LZTFL1: variants seen among roughly 807,000 people sequenced by gnomAD.
LZTFL1 encodes the protein leucine zipper transcription factor like 1.
Under a neutral mutation model 45.9 loss-of-function variants are expected in LZTFL1, and 25 were observed. The observed-to-expected ratio is 0.54, with a 90% CI of 0.40 to 0.76. LZTFL1 has a LOEUF of 0.76. Ranked by LOEUF, LZTFL1 falls within the 30% of genes least tolerant of loss-of-function variation. The probability of loss-of-function intolerance (pLI) is 0.00; values close to 1 mark genes in which losing one functional copy is unlikely to be tolerated. For missense variants in LZTFL1, 277 were observed against 331.1 expected (o/e 0.84, Z 1.27); for synonymous variants, 93 against 117.4 (o/e 0.79, Z 1.35).
intron 7 of LZTFL1, among the ~76,000 whole-genome samples, chr3:45,829,609 A>G (rs891694768): frequency 3.5e-5 from 3 of 85,066 alleles, no homozygotes; most frequent in African/African-American, 1.2e-4. Flanking sequence ...GTCTCAAAAG[A>G]AAAAAAAAAA....
chr3:45,901,141 T>C lies in LZTFL1; in HGVS notation c.-215+11979A>G. 9 of 1,614,208 alleles carry C rather than the reference T, an allele frequency of 5.6e-6. No homozygotes were observed. In the South Asian group the frequency reaches 6.6e-5, roughly 12 times the overall value. ...GACCAGTGGAAGTTCCAGACCTTCA[T>C]GTGCAAGGTGGTCAACAGCATGTAC... On this transcript the variant is annotated intron_variant, in intron 2 of 4. Coordinates refer to the LZTFL1 transcript ENST00000472635. This position sits in a 1 kb window ranked among gnomAD's most constrained non-coding sequence, Gnocchi z 4.3.
Position 45,879,009 on chromosome 3 carries a change from C to T in LZTFL1, c.-214-19993G>A, listed in dbSNP as rs138992031. On this transcript the variant is annotated intron_variant, in intron 2 of 4. Transcript: ENST00000472635. Reference sequence around the variant, plus strand: ...AATAGCCCAGGCCCTAAACACATAGCACCAAATGCTGGTAATGATATGGAG... The same window carrying T: ...AATAGCCCAGGCCCTAAACACATAGTACCAAATGCTGGTAATGATATGGAG... Among the ~76,000 whole-genome samples, 5 of 152,326 alleles carry T rather than the reference C, an allele frequency of 3.3e-5. No individual in the cohort carries two copies. In the East Asian group the frequency reaches 9.6e-4, roughly 29 times the overall value.
At chr3:45,903,795 T>A (rs875890) in intron 2 of LZTFL1, among the ~76,000 whole-genome samples, 56,211 of 152,046 alleles carry the variant, frequency 0.37, 11,992 homozygotes, top group African/African-American at 0.58. Flanking sequence ...GGCCCAGCAC[T>A]GGCACTGCAT....
At chr3:45,898,083 C>T (rs529163749) in intron 2 of LZTFL1, among the ~76,000 whole-genome samples, 2 of 151,970 alleles carry the variant, frequency 1.3e-5, no homozygotes, top group South Asian at 2.1e-4. Flanking sequence ...GATTCACAGT[C>T]GGTACTTGCT....
At chr3:45,902,870 G>T (rs1410618678) in intron 2 of LZTFL1, 1 of 167,064 alleles carries the variant, frequency 6.0e-6, no homozygotes, top group African/African-American at 2.4e-5. Flanking sequence ...TAGGGCAAAG[G>T]GGTGAAGCGC....
rs111307639 is a variant in LZTFL1 at position 45,871,906 on chromosome 3, C to G, written c.-214-12890G>C. Among the ~76,000 whole-genome samples, 468 of 152,298 alleles carry G rather than the reference C, an allele frequency of 3.1e-3. 4 individuals are homozygous for G. The highest frequency in any genetic ancestry group is 0.01 in the African/African-American group (419 of 41,544). ...CAACTATTTCCTGTAGAAATCCTTTCTATAGTGGGAGCTTGGGATTTGGCT... is the reference window on the plus strand; with the variant it reads ...CAACTATTTCCTGTAGAAATCCTTTGTATAGTGGGAGCTTGGGATTTGGCT... On this transcript the variant is annotated intron_variant, in intron 2 of 4. Transcript: ENST00000472635.
Position 45,901,602 on chromosome 3 carries a change from T to A in LZTFL1, c.-215+11518A>T. On this transcript the variant is annotated intron_variant, in intron 2 of 4. Coordinates refer to the LZTFL1 transcript ENST00000472635. The surrounding 1 kb of genome is among the most constrained non-coding windows in gnomAD (Gnocchi z 4.3). ...TGTCTTGTCTCAGTTTCCCTACAAC[T>A]GCATTTTGTTGGTGCAGACCATTGA... 6.2e-7 allele frequency: 1 copy of A among 1,614,214 alleles called. No homozygotes were observed. Among genetic ancestry groups the A allele is most frequent in the Non-Finnish European group, 8.5e-7 (1 of 1,180,002 alleles).
intron 2 of LZTFL1, among the ~76,000 whole-genome samples, chr3:45,896,247 C>A (rs193266642): frequency 6.6e-6 from 1 of 152,192 alleles, no homozygotes; most frequent in Non-Finnish European, 1.5e-5. Flanking sequence ...CTGAGCTTGC[C>A]AGTCATTTGC....
intron 2 of LZTFL1, among the ~76,000 whole-genome samples, chr3:45,908,467 T>C (rs542064979): frequency 6.6e-6 from 1 of 152,208 alleles, no homozygotes; most frequent in East Asian, 1.9e-4. Flanking sequence ...CAGACCCAAG[T>C]CACACCATCA....
intron 2 of LZTFL1, among the ~76,000 whole-genome samples, chr3:45,863,049 A>G (rs1246679509): frequency 5.3e-5 from 8 of 152,240 alleles, no homozygotes; most frequent in Non-Finnish European, 7.3e-5. Flanking sequence ...GAATAATTCA[A>G]TAAAAACACA....
At chr3:45,829,055 G>A (rs1331654238) in intron 7 of LZTFL1, among the ~76,000 whole-genome samples, 1 of 152,132 alleles carries the variant, frequency 6.6e-6, no homozygotes, top group South Asian at 2.1e-4. Flanking sequence ...ATATGTTTTA[G>A]TCATTATTTA....
At chr3:45,894,702 T>G (rs552457935) in intron 2 of LZTFL1, among the ~76,000 whole-genome samples, 1 of 152,334 alleles carries the variant, frequency 6.6e-6, no homozygotes. Context: ...GAATGATAAC[T>G]TCAAAGGAGA....
chr3:45,915,282 C>A, intron 1 of LZTFL1: 1 of 288,984 alleles, frequency 3.5e-6, no homozygotes, highest in South Asian at 3.1e-5. Flanking sequence ...TAGGGAGGCC[C>A]TTTCTGTTAC....
chr3:45,881,392 TCTTC>T (rs1290155848), intron 2 of LZTFL1, among the ~76,000 whole-genome samples: 7 of 152,294 alleles, frequency 4.6e-5, no homozygotes, highest in Middle Eastern at 3.4e-3. Flanking sequence ...GGTTTTGTTC[TCTTC>T]CTCCTGCAAC....
At chr3:45,902,686 G>C (rs1306719237) in intron 2 of LZTFL1, 1 of 167,114 alleles carries the variant, frequency 6.0e-6, no homozygotes, top group Non-Finnish European at 1.5e-5. Flanking sequence ...ATAACAGCTG[G>C]GTTCGCAGGA....
At chr3:45,835,452 A>G (rs1700940745) in intron 3 of LZTFL1, 138 bp downstream of exon 3, 2 of 696,544 alleles carry the variant, frequency 2.9e-6, no homozygotes, top group South Asian at 3.5e-5. Context: ...TCACTCAGTG[A>G]CTCAATGCTT....
chr3:45,841,185 C>T (rs1052165173), intron 1 of LZTFL1, among the ~76,000 whole-genome samples: 2 of 152,208 alleles, frequency 1.3e-5, no homozygotes, highest in African/African-American at 4.8e-5. Context: ...CTTCTCAGCT[C>T]CCAGACAGCG....
At chr3:45,913,459 C>A (rs1255273705) in intron 1 of LZTFL1, among the ~76,000 whole-genome samples, 1 of 152,124 alleles carries the variant, frequency 6.6e-6, no homozygotes, top group East Asian at 1.9e-4. Context: ...GATATATGAA[C>A]TAGTAATATA....
intron 2 of LZTFL1, among the ~76,000 whole-genome samples, chr3:45,894,487 A>AG (rs1351556800): frequency 4.6e-5 from 7 of 152,292 alleles, no homozygotes; most frequent in African/African-American, 1.7e-4. Context: ...CTGATAGAGC[A>AG]GGGGGAAGGG....
Sources: allele counts gnomAD v4.1 joint callset (sites outside exome capture counted in the v4.1 genomes callset), GRCh38; gene constraint gnomAD v4.1.1; non-coding constraint Gnocchi (gnomAD v3.1); transcripts MANE v1.5; gene names NCBI Gene and HGNC (gene_info 2026-07-23, HGNC 2026-07-21).